Variants in DHX36 observed in about 807,000 individuals in gnomAD.
DHX36 encodes the protein DEAH-box helicase 36.
DHX36 carries 50 observed loss-of-function variants against 139.0 expected under a neutral mutation model. That is an observed-to-expected ratio of 0.36 (90% CI 0.29 to 0.46). The LOEUF is 0.46. Ranked by LOEUF, DHX36 falls within the 20% of genes least tolerant of loss-of-function variation. The pLI is 1.00. For missense variants in DHX36, 1,024 were observed against 1,211.3 expected (o/e 0.85, Z 2.29); for synonymous variants, 425 against 401.9 (o/e 1.06, Z -0.69).
chr3:154,314,964 T>C, intron 3 of DHX36, 82 bp downstream of exon 3: 1 of 918,962 alleles, frequency 1.1e-6, no homozygotes, highest in Non-Finnish European at 1.6e-6. Flanking sequence ...ATCTATGCCA[T>C]GCAGCTACCT....
intron 20 of DHX36, among the ~76,000 whole-genome samples, chr3:154,281,603 G>A (rs895909600): frequency 4.6e-5 from 7 of 152,022 alleles, no homozygotes; most frequent in Non-Finnish European, 8.8e-5. Context: ...GAAAGTGAAT[G>A]ACCAGATGAA....
At chr3:154,300,744 G>C in intron 10 of DHX36, 48 bp from the exon 11 acceptor site, 1 of 1,491,968 alleles carries the variant, frequency 6.7e-7, no homozygotes, top group South Asian at 1.2e-5. Flanking sequence ...CAAGTTTTCT[G>C]TTAACTTGCT....
In DHX36 at chr3:154,273,571, G is replaced by C. The variant is rs563778952; in HGVS notation, c.*2600C>G. On this transcript the variant is annotated 3_prime_UTR_variant, in exon 25 of 25. Transcript: ENST00000496811. ...GCAAGAAAGACCAGATGGTCACCTC[G>C]ACGTTAGAGGCAAAACCAGTATGCT... 6.6e-6 allele frequency: 1 copy of C among 152,162 alleles called. No individual in the cohort carries two copies. Among genetic ancestry groups the C allele is most frequent in the Non-Finnish European group, 1.5e-5 (1 of 68,034 alleles). The allele number at this position is 152,162 out of a possible 1,614,324, so 9.4% of individuals were successfully genotyped here. A position where few individuals can be genotyped will look rare whatever the true frequency, so the allele number is the denominator to read the frequency against.
intron 17 of DHX36, among the ~76,000 whole-genome samples, chr3:154,285,859 A>T (rs1030085091): frequency 1.3e-5 from 2 of 152,038 alleles, no homozygotes; most frequent in African/African-American, 4.8e-5. Flanking sequence ...TAAAACCCTC[A>T]ACTTGTTTTC....
Position 154,289,829 on chromosome 3 carries a change from TAAA to T in DHX36, c.1815-6_1815-4del. The T allele has an allele frequency of 7.2e-7, 1 of 1,395,044 alleles. No individual in the cohort carries two copies. The highest frequency in any genetic ancestry group is 1.4e-5 in the South Asian group (1 of 72,696). 86.4% of individuals were successfully genotyped at this position (1,395,044 alleles called of 1,614,324 possible). A position where few individuals can be genotyped will look rare whatever the true frequency, so the allele number is the denominator to read the frequency against. ...GATAGCAATGACCAGGTTGAACTCT[TAAA>T]AAAAAAACAAAACAAAATGAAACAA... On this transcript the variant is annotated splice_polypyrimidine_tract_variant and splice_region_variant and intron_variant, in intron 15 of 24. Transcript: ENST00000496811.
At position 154,307,094 on chromosome 3, in the gene DHX36, C is replaced by T. The variant is rs116437638; in HGVS notation, c.814-799G>A. On this transcript the variant is annotated intron_variant, in intron 5 of 24. Transcript: ENST00000496811. ...TATGACAAAAGTGGTTTATTTTTCACCATTCTGTAATTTTATGCAATTTCC... is the reference window on the plus strand; with the variant it reads ...TATGACAAAAGTGGTTTATTTTTCATCATTCTGTAATTTTATGCAATTTCC... Among the ~76,000 whole-genome samples, 691 of 152,058 alleles carry T rather than the reference C, an allele frequency of 4.5e-3. 4 individuals are homozygous for T. Among genetic ancestry groups the T allele is most frequent in the African/African-American group, 0.016 (655 of 41,496 alleles).
chr3:154,295,723 T>G (rs901373076), intron 12 of DHX36, among the ~76,000 whole-genome samples: 1 of 152,208 alleles, frequency 6.6e-6, no homozygotes, highest in African/African-American at 2.4e-5. Flanking sequence ...AAAAACTGAA[T>G]GAATAGGCAA....
rs1211662563 is a variant in DHX36 at position 154,292,580 on chromosome 3, A to G, written c.1785T>C (p.Asn595=). The G allele has an allele frequency of 3.1e-6, 5 of 1,614,070 alleles. No homozygotes were observed. The highest frequency in any genetic ancestry group is 1.7e-5 in the Admixed American group (1 of 60,014). The change falls in exon 15 of 25, where the codon AAT becomes AAC. Residue 595 remains asparagine, a synonymous_variant. Coordinates refer to ENST00000496811, the MANE Select transcript of DHX36 (RefSeq NM_020865.3). ...TMSAEWVSKA[N]AKQRKGRAGR... is the part of the protein sequence containing the mutation. ...CAGCTCGACCTTTTCTCTGTTTGGC[A>G]TTAGCTTTACTAACCCACTCAGCGG...
intron 5 of DHX36, among the ~76,000 whole-genome samples, chr3:154,308,627 T>C (rs532198734): frequency 6.6e-6 from 1 of 152,314 alleles, no homozygotes; most frequent in South Asian, 2.1e-4. Context: ...GTTTCTATTT[T>C]GGAATATTTG....
At chr3:154,305,229 C>A in intron 6 of DHX36, 61 bp from the exon 7 acceptor site, 1 of 1,396,960 alleles carries the variant, frequency 7.2e-7, no homozygotes, top group Admixed American at 2.1e-5. Flanking sequence ...TTAACTACCA[C>A]AAAGGTTTAT....
At position 154,280,720 on chromosome 3, in the gene DHX36, A is replaced by G. The variant is rs577053711; in HGVS notation, c.2476+43T>C. On this transcript the variant is annotated intron_variant, in intron 21 of 24. Coordinates refer to ENST00000496811, the MANE Select transcript of DHX36 (RefSeq NM_020865.3). ...GAAAAGAAAAGTAAAATACTGATAC[A>G]ATAGACAAAAGATACTTATTTACAC... 4 of 1,604,366 alleles carry G rather than the reference A, an allele frequency of 2.5e-6. No homozygotes were observed. The South Asian group carries it at 4.4e-5, about 18-fold the overall frequency.
intron 9 of DHX36, 86 bp from the exon 10 acceptor site, chr3:154,301,213 T>C: frequency 3.8e-6 from 5 of 1,308,798 alleles, no homozygotes; most frequent in Non-Finnish European, 5.2e-6. Context: ...TTTAGGATTT[T>C]CAAAAAGGAT....
At chr3:154,309,050 T>C (rs1427082417) in intron 5 of DHX36, among the ~76,000 whole-genome samples, 2 of 152,094 alleles carry the variant, frequency 1.3e-5, no homozygotes, top group Admixed American at 6.6e-5. Context: ...TAGCCAGGTA[T>C]GGTAGCACAT....
intron 1 of DHX36, 81 bp from the exon 2 acceptor site, chr3:154,316,244 G>A (rs1712975835): frequency 7.1e-6 from 11 of 1,554,760 alleles, no homozygotes; most frequent in Admixed American, 1.8e-5. Context: ...AGAAAATAAA[G>A]GCTAAGTAAT....
rs1446656607 is a variant in DHX36 at position 154,315,259 on chromosome 3, A to C, written c.390T>G (p.Thr130=). 6.2e-7 allele frequency: 1 copy of C among 1,612,318 alleles called. No individual in the cohort carries two copies. The highest frequency in any genetic ancestry group is 8.5e-7 in the Non-Finnish European group (1 of 1,179,432). Residue 130 remains threonine, a synonymous_variant, in exon 3 of 25, where the codon ACT becomes ACG. Transcript: ENST00000496811. ...TGTTCTCTGAGCATGGTGTGTTCTT[A>C]GTAGAAACTTCAGTACCGTATCTGT... is the stretch of plus-strand genomic sequence containing the variant. ...EDHGYGTEVS[T]KNTPCSENKL...
rs1274013189 is a variant in DHX36 at position 154,288,888 on chromosome 3, G to A, written c.2009C>T (p.Ser670Phe). 6.3e-7 allele frequency: 1 copy of A among 1,578,970 alleles called. No homozygotes were observed. The change falls in exon 17 of 25, where the codon TCC (serine) becomes TTC (phenylalanine). Residue 670 changes from serine to phenylalanine, a missense_variant. Transcript: ENST00000496811. ...TACCAGCTCCATCAGGTGTCTTATGGAGAGTAACACTGCCTCATTTGATGG... is the reference window on the plus strand; with the variant it reads ...TACCAGCTCCATCAGGTGTCTTATGAAGAGTAACACTGCCTCATTTGATGG... ...DPPSNEAVLLSIRHLMELNAL... is the reference protein window; with the variant it reads ...DPPSNEAVLLFIRHLMELNAL...
chr3:154,294,277 G>GA (rs900371764), intron 13 of DHX36, among the ~76,000 whole-genome samples: 54 of 144,634 alleles, frequency 3.7e-4, no homozygotes, highest in East Asian at 7.9e-4. Context: ...AGATTGGAGT[G>GA]AAAAAAAAAA....
chr3:154,316,121 C>G lies in DHX36; in HGVS notation c.286G>C (p.Val96Leu). ...GCTTGAACAGAATTCAGTAACTGTA[C>G]AATTTGTTCTTCTCGTCGTTCATCC... Reference protein sequence around the residue: ...HMDERREEQIVQLLNSVQAKN... With the variant: ...HMDERREEQILQLLNSVQAKN... The change falls in exon 2 of 25, where the codon GTA (valine) becomes CTA (leucine). Residue 96 changes from valine to leucine, a missense_variant. This residue lies in a region of DHX36 where 293 missense variants were observed against 274.4 expected (regional missense o/e 1.07). Transcript: ENST00000496811. The G allele has an allele frequency of 6.2e-7, 1 of 1,613,288 alleles. No homozygotes were observed. Among genetic ancestry groups the G allele is most frequent in the Non-Finnish European group, 8.5e-7 (1 of 1,179,540 alleles).
rs565589528 is a variant in DHX36 at position 154,324,080 on chromosome 3, T to C, written c.243+94A>G. On this transcript the variant is annotated intron_variant, in intron 1 of 24. Transcript: ENST00000496811. The stretch of plus-strand genomic sequence containing the variant: ...ATTTACATTTCACAAAACACGTGCA[T>C]CACTTAAGAAACAAAACCAAGAAAA... 4 of 1,346,762 alleles carry C rather than the reference T, an allele frequency of 3.0e-6. No individual in the cohort carries two copies. The East Asian group carries it at 9.4e-5, about 32-fold the overall frequency. The allele number at this position is 1,346,762 out of a possible 1,614,324, so 83.4% of individuals were successfully genotyped here.
Sources: gnomAD v4.1 joint callset for allele counts (sites outside exome capture counted in the v4.1 genomes callset) on GRCh38, gnomAD v4.1.1 for gene constraint, gnomAD v4.1.1 regional missense constraint, MANE v1.5 for transcripts, NCBI Gene and HGNC (gene_info 2026-07-23, HGNC 2026-07-21) for gene names.